C11orf65: variants seen among roughly 807,000 people sequenced by gnomAD.
C11orf65 encodes the protein chromosome 11 open reading frame 65, also known as protein MFI.
C11orf65 carries 38 observed loss-of-function variants against 35.3 expected under a neutral mutation model. The ratio of observed to expected loss-of-function variants is 1.08; its 90% CI spans 0.83 to 1.41. The LOEUF (loss-of-function observed/expected upper bound fraction) is 1.41. Among genes scored for constraint, C11orf65 ranks in the 40% most tolerant of loss-of-function variants. The pLI, the probability that C11orf65 is intolerant of heterozygous loss-of-function variation, is 0.00. For missense variants in C11orf65, 370 were observed against 367.1 expected (o/e 1.01, Z -0.06); for synonymous variants, 105 against 114.4 (o/e 0.92, Z 0.53).
At chr11:108,410,888 TTTAG>T (rs2092643521) in intron 3 of C11orf65, among the ~76,000 whole-genome samples, 2 of 151,906 alleles carry the variant, frequency 1.3e-5, no homozygotes, top group African/African-American at 4.8e-5. Context: ...TTTTCATATT[TTTAG>T]TAGAGACGGG....
chr11:108,376,124 C>A (rs968700137), intron 2 of C11orf65, among the ~76,000 whole-genome samples: 1 of 152,106 alleles, frequency 6.6e-6, no homozygotes, highest in Non-Finnish European at 1.5e-5. Context: ...CTCAGCTCTG[C>A]ACCAAGCGGA....
At chr11:108,406,270 C>T (rs1039550803) in intron 5 of C11orf65, among the ~76,000 whole-genome samples, 8 of 152,036 alleles carry the variant, frequency 5.3e-5, no homozygotes, top group African/African-American at 1.9e-4. Context: ...GAATTCATAC[C>T]TTGATCATTT....
At chr11:108,424,111 G>C (rs2092864007) in intron 3 of C11orf65, among the ~76,000 whole-genome samples, 1 of 152,172 alleles carries the variant, frequency 6.6e-6, no homozygotes, top group South Asian at 2.1e-4. Context: ...ACTCCTCCGA[G>C]CTAAAGGAGC....
intron 2 of C11orf65, among the ~76,000 whole-genome samples, chr11:108,358,006 G>A (rs1485010743): frequency 6.8e-6 from 1 of 146,310 alleles, no homozygotes; most frequent in Non-Finnish European, 1.5e-5. Context: ...TGAGCTACGG[G>A]AGGACATTCA....
intron 5 of C11orf65, 120 bp downstream of exon 5, chr11:108,406,643 A>C: frequency 1.5e-6 from 1 of 687,934 alleles, no homozygotes; most frequent in Non-Finnish European, 2.2e-6. Flanking sequence ...CTTAAGCAAA[A>C]TTTATCAATT....
At chr11:108,373,419 G>A (rs943136097) in intron 2 of C11orf65, among the ~76,000 whole-genome samples, 2 of 152,162 alleles carry the variant, frequency 1.3e-5, no homozygotes, top group Non-Finnish European at 2.9e-5. Context: ...CAAAGATCAG[G>A]AACAAGGCAA....
chr11:108,376,215 G>A (rs34518213), intron 2 of C11orf65, among the ~76,000 whole-genome samples: 52,393 of 151,162 alleles, frequency 0.35, 9,459 homozygotes, highest in East Asian at 0.56. Flanking sequence ...TTCCAAAATT[G>A]ACCACATAGT....
chr11:108,386,633 G>T (rs1472393185), intron 7 of C11orf65, among the ~76,000 whole-genome samples: 1 of 152,124 alleles, frequency 6.6e-6, no homozygotes, highest in African/African-American at 2.4e-5. Flanking sequence ...GCACCAAGAG[G>T]CAGGTTTCCT....
chr11:108,451,797 C>G (rs561229822), intron 2 of C11orf65, among the ~76,000 whole-genome samples: 1 of 152,108 alleles, frequency 6.6e-6, no homozygotes, highest in East Asian at 1.9e-4. Context: ...GGTACTGGTA[C>G]CAAAACAGAG....
chr11:108,402,417 A>G (rs545404344), intron 6 of C11orf65, among the ~76,000 whole-genome samples: 1 of 152,234 alleles, frequency 6.6e-6, no homozygotes, highest in South Asian at 2.1e-4. Flanking sequence ...AGAGTTAAGC[A>G]TTTGGTAGTA....
downstream of C11orf65, chr11:108,328,991 ATAATT>A (rs753347378): frequency 7.0e-6 from 11 of 1,579,574 alleles, no homozygotes; most frequent in African/African-American, 5.4e-5. Flanking sequence ...ATTTGTAAAT[ATAATT>A]TAAATTGGTT....
At chr11:108,466,992 CCTATT>C (rs1460498668) in intron 1 of C11orf65, among the ~76,000 whole-genome samples, 1 of 145,016 alleles carries the variant, frequency 6.9e-6, no homozygotes, top group East Asian at 2.0e-4. Flanking sequence ...GAAAAACTAA[CCTATT>C]CTTTAAAAAC....
intron 2 of C11orf65, among the ~76,000 whole-genome samples, chr11:108,433,645 AG>A (rs2093024428): frequency 6.6e-6 from 1 of 152,086 alleles, no homozygotes; most frequent in Admixed American, 6.5e-5. Flanking sequence ...GGAAGTTACA[AG>A]GTTTCTTAAG....
intron 2 of C11orf65, chr11:108,340,067 C>T (rs188865415): frequency 2.4e-4 from 37 of 152,268 alleles, no homozygotes; most frequent in African/African-American, 8.4e-4. Flanking sequence ...GGAAAATAAA[C>T]ATAATAAACA....
At chr11:108,443,046 C>G (rs895583229) in intron 2 of C11orf65, among the ~76,000 whole-genome samples, 37 of 152,072 alleles carry the variant, frequency 2.4e-4, no homozygotes, top group Middle Eastern at 3.2e-3. Context: ...GATTCAAGAC[C>G]CATCACTGTG....
In C11orf65 at chr11:108,461,532, TA is replaced by T; in HGVS notation, c.27del (p.Phe9LeufsTer30). On this transcript the variant is annotated frameshift_variant, in exon 2 of 9. Coordinates refer to ENST00000393084, the MANE Select transcript of C11orf65 (RefSeq NM_152587.5). LOFTEE classifies it high-confidence loss of function. ...ACTCTGGCAGCCTTATCCTGCTTTG[TA>T]AATTCTGATTCCTCTTTCCAAGGCA... MPWKEESE[F>X]TKQDKAARVI... The T allele has an allele frequency of 6.2e-7, 1 of 1,609,674 alleles. No individual in the cohort carries two copies. Among genetic ancestry groups the T allele is most frequent in the Non-Finnish European group, 8.5e-7 (1 of 1,177,856 alleles).
At chr11:108,309,505 C>T (rs1383257246) in intron 6 of C11orf65, among the ~76,000 whole-genome samples, 1 of 152,186 alleles carries the variant, frequency 6.6e-6, no homozygotes, top group Non-Finnish European at 1.5e-5. Flanking sequence ...GAAGATCACA[C>T]AGCTGGTAGT....
intron 6 of C11orf65, among the ~76,000 whole-genome samples, chr11:108,394,806 C>A (rs1420795535): frequency 6.6e-6 from 1 of 152,152 alleles, no homozygotes; most frequent in Non-Finnish European, 1.5e-5. Flanking sequence ...AATAACCTAG[C>A]CTTTCTGGGC....
At chr11:108,373,418 G>A (rs1183905539) in intron 2 of C11orf65, among the ~76,000 whole-genome samples, 1 of 152,196 alleles carries the variant, frequency 6.6e-6, no homozygotes, top group East Asian at 1.9e-4. Flanking sequence ...CCAAAGATCA[G>A]GAACAAGGCA....
Sources: allele counts gnomAD v4.1 joint callset (sites outside exome capture counted in the v4.1 genomes callset), GRCh38; gene constraint gnomAD v4.1.1; transcripts MANE v1.5; gene names NCBI Gene and HGNC (gene_info 2026-07-23, HGNC 2026-07-21).